WWOX: variants seen among roughly 807,000 people sequenced by gnomAD.
WWOX encodes WW domain containing oxidoreductase.
In WWOX, 69 loss-of-function variants were observed where a neutral mutation model predicts 46.2. That is an observed-to-expected ratio of 1.49 (90% CI 1.23 to 1.82). The LOEUF (loss-of-function observed/expected upper bound fraction) is 1.82, where lower values mean the gene tolerates loss of function less well. Ranked by LOEUF, WWOX falls within the 40% of genes most tolerant of loss-of-function variation. The pLI is 0.00. For synonymous variants in WWOX, 359 were observed against 202.6 expected, an observed-to-expected ratio of 1.77 and a Z score of -6.56; for missense variants, 919 against 542.6, an observed-to-expected ratio of 1.69 and a Z score of -6.89.
chr16:78,966,871 C>T (rs1238598074), intron 8 of WWOX, among the ~76,000 whole-genome samples: 1 of 152,074 alleles, frequency 6.6e-6, no homozygotes, highest in African/African-American at 2.4e-5. Flanking sequence ...ATAATAGTTC[C>T]CACCTCATAG....
At position 78,540,639 on chromosome 16, in the gene WWOX, C is replaced by G. The variant is rs960805888; in HGVS notation, c.1056+107887C>G. The stretch of plus-strand genomic sequence containing the variant: ...GGGCTTGTTAGCTCCTACCTGAGCT[C>G]TGAGTTTCTGTGGATTTCTATAGGC... On this transcript the variant is annotated intron_variant, in intron 8 of 8. Coordinates refer to ENST00000566780, the MANE Select transcript of WWOX (RefSeq NM_016373.4). 3.3e-5 allele frequency among the ~76,000 whole-genome samples: 5 copies of G among 151,770 alleles called. No individual in the cohort carries two copies. The East Asian group carries it at 7.7e-4, about 23-fold the overall frequency.
chr16:78,282,165 A>T (rs2079690222), intron 5 of WWOX, among the ~76,000 whole-genome samples: 1 of 152,148 alleles, frequency 6.6e-6, no homozygotes, highest in South Asian at 2.1e-4. Context: ...CTGCTTCTCC[A>T]CGGAGTCTGA....
At chr16:78,713,060 A>C (rs567758452) in intron 8 of WWOX, among the ~76,000 whole-genome samples, 2 of 152,014 alleles carry the variant, frequency 1.3e-5, no homozygotes, top group Admixed American at 1.3e-4. Flanking sequence ...GCTTGAGCCC[A>C]GGAGATCGAG....
intron 5 of WWOX, among the ~76,000 whole-genome samples, chr16:78,327,082 C>T (rs1013302777): frequency 6.6e-6 from 1 of 152,162 alleles, no homozygotes; most frequent in Non-Finnish European, 1.5e-5. Flanking sequence ...CATCCATGCA[C>T]CTCAAATCCT....
intron 5 of WWOX, among the ~76,000 whole-genome samples, chr16:78,381,657 G>A (rs1162568432): frequency 6.6e-6 from 1 of 152,154 alleles, no homozygotes; most frequent in Non-Finnish European, 1.5e-5. Context: ...ATGAAGATTT[G>A]GGGAAGGAAA....
intron 8 of WWOX, among the ~76,000 whole-genome samples, chr16:78,853,739 C>T (rs1333492536): frequency 6.6e-6 from 1 of 152,050 alleles, no homozygotes; most frequent in Non-Finnish European, 1.5e-5. Flanking sequence ...TTATGAAACC[C>T]AGCTTGTAAG....
intron 8 of WWOX, among the ~76,000 whole-genome samples, chr16:78,449,931 G>T (rs971112823): frequency 2.0e-5 from 3 of 151,742 alleles, no homozygotes; most frequent in African/African-American, 7.3e-5. Context: ...GCTTGGTAAG[G>T]CTAGCCAATC....
intron 5 of WWOX, among the ~76,000 whole-genome samples, chr16:78,385,600 T>G (rs1252901384): frequency 6.6e-6 from 1 of 152,118 alleles, no homozygotes; most frequent in Non-Finnish European, 1.5e-5. Context: ...GCAGCCAAGA[T>G]AAACCAGCTG....
intron 8 of WWOX, among the ~76,000 whole-genome samples, chr16:78,665,065 A>G (rs897828946): frequency 6.6e-6 from 1 of 152,178 alleles, no homozygotes; most frequent in Non-Finnish European, 1.5e-5. Flanking sequence ...AGGGCTGCCA[A>G]TGGGAATTGG....
At position 78,785,476 on chromosome 16, in the gene WWOX, C is replaced by G. The variant is rs188258341; in HGVS notation, c.1056+352724C>G. On this transcript the variant is annotated intron_variant, in intron 8 of 8. Coordinates refer to ENST00000566780, the MANE Select transcript of WWOX (RefSeq NM_016373.4). ...ACTGGCTCTCTGAAAAACAAACAAA[C>G]ACATTGTGCACCTATACATGTACAC... 3.3e-5 allele frequency among the ~76,000 whole-genome samples: 5 copies of G among 152,184 alleles called. No individual in the cohort carries two copies. In the East Asian group the frequency reaches 5.8e-4, roughly 18 times the overall value.
chr16:79,078,164 GC>G (rs2048695538), intron 8 of WWOX: 1 of 152,154 alleles, frequency 6.6e-6, no homozygotes, highest in Non-Finnish European at 1.5e-5. Context: ...CCTTCAGGCT[GC>G]CCATAATGTG....
chr16:78,409,644 C>G (rs1351331346), intron 6 of WWOX, among the ~76,000 whole-genome samples: 1 of 152,150 alleles, frequency 6.6e-6, no homozygotes, highest in Middle Eastern at 3.2e-3. Context: ...GCTTAAAACC[C>G]AAAGCTATTA....
chr16:78,332,276 T>C (rs12051298), intron 5 of WWOX, among the ~76,000 whole-genome samples: 16,323 of 152,252 alleles, frequency 0.11, 1,107 homozygotes, highest in East Asian at 0.23. Context: ...TTAGAATCTC[T>C]GCTTCCGCAT....
intron 8 of WWOX, among the ~76,000 whole-genome samples, chr16:78,822,222 G>A (rs999658504): frequency 2.6e-5 from 4 of 152,150 alleles, no homozygotes; most frequent in African/African-American, 9.6e-5. Flanking sequence ...GGCCAGGTGT[G>A]GTGGCTTACC....
rs117134253 is a variant in WWOX, at chr16:78,597,156, G to C, written c.1056+164404G>C. On this transcript the variant is annotated intron_variant, in intron 8 of 8. Transcript: ENST00000566780. The stretch of plus-strand genomic sequence containing the variant: ...TTTGTTTATTTTAGCCGGTGCCTTT[G>C]TAGAGGGAAAACAGCTTAGCAAGCA... 3.8e-3 allele frequency among the ~76,000 whole-genome samples: 579 copies of C among 152,300 alleles called. 2 individuals carry two copies. Among genetic ancestry groups the C allele is most frequent in the Non-Finnish European group, 5.3e-3 (361 of 68,022 alleles).
At chr16:78,476,879 C>G (rs931329638) in intron 8 of WWOX, among the ~76,000 whole-genome samples, 3 of 152,062 alleles carry the variant, frequency 2.0e-5, no homozygotes, top group African/African-American at 7.2e-5. Context: ...TCCTGATTTC[C>G]CATCTTCTTC....
chr16:78,763,937 G>A (rs1410394743), intron 8 of WWOX, among the ~76,000 whole-genome samples: 1 of 152,096 alleles, frequency 6.6e-6, no homozygotes, highest in Non-Finnish European at 1.5e-5. Flanking sequence ...TAGCACTCTT[G>A]AGCTGAAGAA....
Position 79,061,302 on chromosome 16 carries a change from T to C in WWOX, c.1057-150306T>C, listed in dbSNP as rs568645802. Among the ~76,000 whole-genome samples, 49 of 152,330 alleles carry C rather than the reference T, an allele frequency of 3.2e-4. No individual in the cohort carries two copies. In the South Asian group the frequency reaches 3.5e-3, roughly 11 times the overall value. On this transcript the variant is annotated intron_variant, in intron 8 of 8. Transcript: ENST00000566780. Reference sequence around the variant, plus strand: ...TTACAATTTGTGCTTAGTAGTATCTTATTATATTAGCCCGGCACTGACTGG... The same window carrying C: ...TTACAATTTGTGCTTAGTAGTATCTCATTATATTAGCCCGGCACTGACTGG...
At chr16:79,070,305 T>TGA (rs35778793) in intron 8 of WWOX, among the ~76,000 whole-genome samples, 1 of 151,398 alleles carries the variant, frequency 6.6e-6, no homozygotes, top group East Asian at 1.9e-4. Context: ...TGTGTGTGTG[T>TGA]GTTTTCCAGA....
Sources: gnomAD v4.1 joint callset for allele counts (sites outside exome capture counted in the v4.1 genomes callset) on GRCh38, gnomAD v4.1.1 for gene constraint, MANE v1.5 for transcripts, NCBI Gene and HGNC (gene_info 2026-07-23, HGNC 2026-07-21) for gene names.